Variants in CCSAP observed in about 807,000 individuals in gnomAD.
CCSAP encodes centriole, cilia and spindle-associated protein.
In CCSAP, 17 loss-of-function variants were observed where a neutral mutation model predicts 25.9. That is an observed-to-expected ratio of 0.66 (90% CI 0.45 to 0.99). The LOEUF (loss-of-function observed/expected upper bound fraction) is 0.99. Among genes scored for constraint, CCSAP ranks in the 50% least tolerant of loss-of-function variants. The probability of loss-of-function intolerance (pLI) is 0.00; values close to 1 mark genes in which losing one functional copy is unlikely to be tolerated. For synonymous variants in CCSAP, 169 were observed against 157.1 expected (o/e 1.08, Z -0.57); for missense variants, 339 against 367.8 (o/e 0.92, Z 0.64).
chr1:229,326,983 C>T lies in CCSAP; in HGVS notation c.391G>A (p.Asp131Asn). 2 of 1,609,520 alleles carry T rather than the reference C, an allele frequency of 1.2e-6. No homozygotes were observed. Among genetic ancestry groups the T allele is most frequent in the Admixed American group, 1.7e-5 (1 of 59,576 alleles). The change falls in exon 3 of 4, where the codon GAT becomes AAT. Residue 131 changes from aspartate to asparagine, a missense_variant. Transcript: ENST00000284617. Reference protein sequence around the residue: ...LPALPVKDVEDKPEQQTRTRE... With the variant: ...LPALPVKDVENKPEQQTRTRE... ...GTTCTGGTTTGTTGTTCAGGTTTAT[C>T]TTCTACATCTTTCACTGGCAGTGCT...
intron 2 of CCSAP, among the ~76,000 whole-genome samples, chr1:229,335,859 G>A (rs1189793759): frequency 6.6e-6 from 1 of 152,068 alleles, no homozygotes; most frequent in East Asian, 1.9e-4. Flanking sequence ...GCAGGCTGGG[G>A]GCCTCCGTAT....
At chr1:229,335,458 T>C (rs1658175201) in intron 2 of CCSAP, among the ~76,000 whole-genome samples, 2 of 152,210 alleles carry the variant, frequency 1.3e-5, no homozygotes, top group South Asian at 4.1e-4. Context: ...AATATGGACG[T>C]GCTCTGTTGA....
chr1:229,337,362 T>C (rs1558252234), intron 2 of CCSAP, among the ~76,000 whole-genome samples: 1 of 152,046 alleles, frequency 6.6e-6, no homozygotes, highest in African/African-American at 2.4e-5. Flanking sequence ...TTCAGTGTTA[T>C]CATAATGCCT....
intron 2 of CCSAP, among the ~76,000 whole-genome samples, chr1:229,336,325 G>A (rs1571855652): frequency 6.6e-6 from 1 of 151,896 alleles, no homozygotes; most frequent in Non-Finnish European, 1.5e-5. Flanking sequence ...GGCAGAAGCA[G>A]GGGAGGCTTG....
chr1:229,338,538 A>AAC (rs55718200), intron 2 of CCSAP, among the ~76,000 whole-genome samples: 20,993 of 141,772 alleles, frequency 0.15, 1,529 homozygotes, highest in Middle Eastern at 0.22. Context: ...CCCAAACCCC[A>AAC]ACACACACAC....
At position 229,342,700 on chromosome 1, in the gene CCSAP, G is replaced by A. The variant is rs1049976178; in HGVS notation, c.-48-187C>T. 1.3e-5 allele frequency among the ~76,000 whole-genome samples: 2 copies of A among 152,070 alleles called. No individual in the cohort carries two copies. Among genetic ancestry groups the A allele is most frequent in the South Asian group, 2.1e-4 (1 of 4,832 alleles). ...ACCAAGAGCAGAGGCGGGGACCGGG[G>A]CTGCTGGGGTCGAGGGGCGCGCCGC... On this transcript the variant is annotated intron_variant, in intron 1 of 3. Coordinates refer to ENST00000284617, the MANE Select transcript of CCSAP (RefSeq NM_145257.5). This position sits in a 1 kb window ranked among gnomAD's most constrained non-coding sequence, Gnocchi z 7.5.
At position 229,323,157 on chromosome 1, in the gene CCSAP, TGCACTTTAAAA is replaced by T. The variant is rs1197814444; in HGVS notation, c.*2067_*2077del. ...TTCATACTGATTTATTAACCATTCA[TGCACTTTAAAA>T]GCACTTTAAAAATCCCGTTCATTTG... is the stretch of plus-strand genomic sequence containing the variant. On this transcript the variant is annotated 3_prime_UTR_variant, in exon 4 of 4. Transcript: ENST00000284617. 10 of 152,260 alleles carry T rather than the reference TGCACTTTAAAA, an allele frequency of 6.6e-5. No individual in the cohort carries two copies. Among genetic ancestry groups the T allele is most frequent in the South Asian group, 2.1e-4 (1 of 4,836 alleles). The allele number at this position is 152,260 out of a possible 1,614,324, so 9.4% of individuals were successfully genotyped here. A position where few individuals can be genotyped will look rare whatever the true frequency, so the allele number is the denominator to read the frequency against.
In CCSAP at chr1:229,325,151, T is replaced by G. The variant is rs558201743; in HGVS notation, c.*84A>C. 7.4e-7 allele frequency: 1 copy of G among 1,350,844 alleles called. No individual in the cohort carries two copies. The highest frequency in any genetic ancestry group is 2.4e-5 in the East Asian group (1 of 42,402). The allele number at this position is 1,350,844 out of a possible 1,614,324, so 83.7% of individuals were successfully genotyped here. Reference sequence around the variant, plus strand: ...AATCAGTTGGTTTCTTAAACCTGTGTCCGTTTCTTTTGATGGTTTTTGTTT... The same window carrying G: ...AATCAGTTGGTTTCTTAAACCTGTGGCCGTTTCTTTTGATGGTTTTTGTTT... On this transcript the variant is annotated 3_prime_UTR_variant, in exon 4 of 4. Coordinates refer to ENST00000284617, the MANE Select transcript of CCSAP (RefSeq NM_145257.5).
rs1658350042 is a variant in CCSAP, at chr1:229,342,147, C to T, written c.319G>A (p.Glu107Lys). 1 of 1,328,774 alleles carries T rather than the reference C, an allele frequency of 7.5e-7. No individual in the cohort carries two copies. The highest frequency in any genetic ancestry group is 2.1e-5 in the South Asian group (1 of 46,638). 82.3% of individuals were successfully genotyped at this position (1,328,774 alleles called of 1,614,324 possible). ...ARGAPEEQDA[E>K]AGDAEAEDAE... is the part of the protein sequence containing the mutation. ...TCCTCGGCCTCCGCGTCCCCGGCCTCCGCGTCCTGCTCCTCCGGGGCCCCG... is the reference window on the plus strand; with the variant it reads ...TCCTCGGCCTCCGCGTCCCCGGCCTTCGCGTCCTGCTCCTCCGGGGCCCCG... Residue 107 changes from glutamate to lysine, a missense_variant, in exon 2 of 4, where the codon GAG becomes AAG. Physicochemically the swap from Glu to Lys is moderately conservative, Grantham distance 56. Transcript: ENST00000284617. This position sits in a 1 kb window ranked among gnomAD's most constrained non-coding sequence, Gnocchi z 7.5.
chr1:229,330,194 G>A (rs1658034971), intron 2 of CCSAP, among the ~76,000 whole-genome samples: 1 of 152,196 alleles, frequency 6.6e-6, no homozygotes, highest in Non-Finnish European at 1.5e-5. Context: ...CGGTTCTGTG[G>A]CTCCTGCAGG....
chr1:229,342,090 GC>G lies in CCSAP; in HGVS notation c.367+8del. The stretch of plus-strand genomic sequence containing the variant: ...GCAGGCCCCTCGCGCTCCCCTCCGG[GC>G]CGGGTACCTGGCAGAGCCGCGTCCT... On this transcript the variant is annotated splice_region_variant and intron_variant, in intron 2 of 3. Coordinates refer to ENST00000284617, the MANE Select transcript of CCSAP (RefSeq NM_145257.5). The surrounding 1 kb of genome is among the most constrained non-coding windows in gnomAD (Gnocchi z 7.5). The G allele has an allele frequency of 7.5e-7, 1 of 1,337,436 alleles. No individual in the cohort carries two copies. The highest frequency in any genetic ancestry group is 9.6e-7 in the Non-Finnish European group (1 of 1,046,846). The allele number at this position is 1,337,436 out of a possible 1,614,324, so 82.8% of individuals were successfully genotyped here.
intron 3 of CCSAP, 75 bp from the exon 4 acceptor site, chr1:229,325,486 G>A (rs1657919458): frequency 7.2e-7 from 1 of 1,391,148 alleles, no homozygotes; most frequent in African/African-American, 1.4e-5. Flanking sequence ...TTGCAATGAA[G>A]CTGGCTACTG....
chr1:229,336,539 G>T (rs1158811076), intron 2 of CCSAP, among the ~76,000 whole-genome samples: 2 of 152,148 alleles, frequency 1.3e-5, no homozygotes, highest in Non-Finnish European at 2.9e-5. Context: ...AGAGACGCTG[G>T]CAGGTATACA....
chr1:229,327,259 G>A (rs182844087), intron 2 of CCSAP: 23 of 359,306 alleles, frequency 6.4e-5, no homozygotes, highest in Middle Eastern at 6.9e-4. Flanking sequence ...CTGCTACTCC[G>A]ATTCTGAGAC....
At chr1:229,334,288 A>C (rs1182468144) in intron 2 of CCSAP, among the ~76,000 whole-genome samples, 1 of 152,214 alleles carries the variant, frequency 6.6e-6, no homozygotes. Flanking sequence ...CCAGGCTGGA[A>C]TATATGTTTT....
intron 2 of CCSAP, among the ~76,000 whole-genome samples, chr1:229,337,698 T>TATATATATATATATATATAC: frequency 1.6e-5 from 1 of 60,720 alleles, no homozygotes; most frequent in Admixed American, 1.8e-4. Flanking sequence ...TATATATATA[T>TATATATATATATATATATAC]ACACATACAT....
chr1:229,341,186 T>A (rs1233144056), intron 2 of CCSAP, among the ~76,000 whole-genome samples: 108 of 72,430 alleles, frequency 1.5e-3, no homozygotes, highest in African/African-American at 5.8e-3. Flanking sequence ...AGAGCGAGAC[T>A]CCGTCTCAAA....
At chr1:229,340,198 A>T (rs1244666312) in intron 2 of CCSAP, among the ~76,000 whole-genome samples, 1 of 152,216 alleles carries the variant, frequency 6.6e-6, no homozygotes, top group Non-Finnish European at 1.5e-5. Flanking sequence ...AAAAACCAGG[A>T]TATTTAATCT....
chr1:229,331,668 C>T (rs946966250), intron 2 of CCSAP, among the ~76,000 whole-genome samples: 1 of 152,042 alleles, frequency 6.6e-6, no homozygotes, highest in Non-Finnish European at 1.5e-5. Context: ...TCCACACCTT[C>T]CAATTGTAGC....
Sources: gnomAD v4.1 joint callset for allele counts (sites outside exome capture counted in the v4.1 genomes callset) on GRCh38, gnomAD v4.1.1 for gene constraint, Gnocchi (gnomAD v3.1) non-coding constraint, MANE v1.5 for transcripts, NCBI Gene and HGNC (gene_info 2026-07-23, HGNC 2026-07-21) for gene names.